B4GALNT3: variants seen among roughly 807,000 people sequenced by gnomAD.
B4GALNT3 encodes beta-1,4-N-acetylgalactosaminyltransferase 3.
Under a neutral mutation model 120.2 loss-of-function variants are expected in B4GALNT3, and 86 were observed. The observed-to-expected ratio is 0.72, with a 90% CI of 0.60 to 0.86. The LOEUF (loss-of-function observed/expected upper bound fraction) is 0.86, where lower values mean the gene tolerates loss of function less well. B4GALNT3 is among the 40% of genes least tolerant of loss of function. The probability of loss-of-function intolerance (pLI) is 0.00; values close to 1 mark genes in which losing one functional copy is unlikely to be tolerated. For missense variants in B4GALNT3, 1,167 were observed against 1,298.9 expected, an observed-to-expected ratio of 0.90 and a Z score of 1.56; for synonymous variants, 518 against 510.4, an observed-to-expected ratio of 1.01 and a Z score of -0.20.
chr12:484,837 T>C (rs1946275523), intron 1 of B4GALNT3, among the ~76,000 whole-genome samples: 1 of 150,460 alleles, frequency 6.6e-6, no homozygotes, highest in African/African-American at 2.4e-5. Flanking sequence ...GTTTGGAGGA[T>C]GCTAAATTCC....
chr12:477,069 G>C (rs1371416650), intron 1 of B4GALNT3, among the ~76,000 whole-genome samples: 1 of 152,152 alleles, frequency 6.6e-6, no homozygotes, highest in East Asian at 1.9e-4. Flanking sequence ...GTGAAGAATT[G>C]AAAGCCTGGA....
chr12:512,586 C>T (rs1477863391), intron 1 of B4GALNT3, among the ~76,000 whole-genome samples: 1 of 126,982 alleles, frequency 7.9e-6, no homozygotes, highest in African/African-American at 3.1e-5. Flanking sequence ...CCTTCTTCCA[C>T]CTTCGAGCTT....
rs1193488076 is a variant in B4GALNT3, at chr12:561,508, A to G, written c.*57A>G. ...CGCTCTGGACTAGCAGTGGCTCCCC[A>G]GGGCCCTGCTACTGTTCAGGGATGG... is the stretch of plus-strand genomic sequence containing the variant. On this transcript the variant is annotated 3_prime_UTR_variant, in exon 20 of 20. Coordinates refer to ENST00000266383, the MANE Select transcript of B4GALNT3 (RefSeq NM_173593.4). 3.7e-6 allele frequency: 5 copies of G among 1,365,138 alleles called. No individual in the cohort carries two copies. Among genetic ancestry groups the G allele is most frequent in the Non-Finnish European group, 4.1e-6 (4 of 977,262 alleles). The allele number at this position is 1,365,138 out of a possible 1,614,324, so 84.6% of individuals were successfully genotyped here.
intron 1 of B4GALNT3, among the ~76,000 whole-genome samples, chr12:500,033 T>C (rs749988691): frequency 2.6e-5 from 4 of 152,224 alleles, no homozygotes; most frequent in Admixed American, 6.5e-5. Context: ...CTCTTGTTGC[T>C]CTCTTGTTCG....
Position 553,999 on chromosome 12 carries a change from C to T in B4GALNT3, c.2060+16C>T, listed in dbSNP as rs768947382. 2.5e-6 allele frequency: 4 copies of T among 1,578,678 alleles called. No homozygotes were observed. The highest frequency in any genetic ancestry group is 1.8e-4 in the Middle Eastern group (1 of 5,712). Reference sequence around the variant, plus strand: ...GGAGCCGGGGGTAAGGTAAAGGGCTCTCCTGGGGCCAGGGACTGGGGCACG... The same window carrying T: ...GGAGCCGGGGGTAAGGTAAAGGGCTTTCCTGGGGCCAGGGACTGGGGCACG... On this transcript the variant is annotated intron_variant, in intron 14 of 19. Coordinates refer to ENST00000266383, the MANE Select transcript of B4GALNT3 (RefSeq NM_173593.4).
At chr12:466,297 A>G (rs945420897) in intron 1 of B4GALNT3, among the ~76,000 whole-genome samples, 1 of 152,132 alleles carries the variant, frequency 6.6e-6, no homozygotes, top group Non-Finnish European at 1.5e-5. Flanking sequence ...AGCTTTGTGG[A>G]GCAGAGCAGA....
intron 1 of B4GALNT3, among the ~76,000 whole-genome samples, chr12:528,937 C>G (rs866802935): frequency 6.6e-6 from 1 of 152,204 alleles, no homozygotes; most frequent in Middle Eastern, 3.2e-3. Flanking sequence ...TTTTCTCATT[C>G]CAGTTTGAGT....
Position 558,612 on chromosome 12 carries a change from C to T in B4GALNT3, c.2712C>T (p.Ala904=). 2.5e-6 allele frequency: 4 copies of T among 1,614,036 alleles called. No homozygotes were observed. The highest frequency in any genetic ancestry group is 3.4e-6 in the Non-Finnish European group (4 of 1,179,978). The change falls in exon 18 of 20, where the codon GCC becomes GCT. Residue 904 remains alanine (A), a synonymous_variant. Transcript: ENST00000266383. ...KHCVEGKMAF[A]PMVMRLHCGA... is the part of the protein sequence containing the mutation. ...GTGTGGAGGGAAAGATGGCCTTTGCCCCCATGGTGATGAGGCTGCATTGTG... is the reference window on the plus strand; with the variant it reads ...GTGTGGAGGGAAAGATGGCCTTTGCTCCCATGGTGATGAGGCTGCATTGTG...
At chr12:535,339 G>A in intron 2 of B4GALNT3, 70 bp downstream of exon 2, 2 of 1,335,414 alleles carry the variant, frequency 1.5e-6, no homozygotes, top group Non-Finnish European at 2.1e-6. Context: ...CTGCCCAGTT[G>A]CCTTAAGGGT....
In B4GALNT3 at chr12:512,154, TTCCGCCTTCCACCTTCC is replaced by T. The variant is rs1350756047; in HGVS notation, c.170-23011_170-22995del. Among the ~76,000 whole-genome samples, 29 of 81,940 alleles carry T rather than the reference TTCCGCCTTCCACCTTCC, an allele frequency of 3.5e-4. 1 individual carries two copies. Among genetic ancestry groups the T allele is most frequent in the African/African-American group, 1.7e-3 (25 of 15,124 alleles). The allele number at this position is 81,940 out of a possible 152,430, so 53.8% of individuals were successfully genotyped here. ...CACCTTCCACCTTCCACCTTCCGCC[TTCCGCCTTCCACCTTCC>T]GCCTTCCGCCTTCCACCTTCCGCCT... On this transcript the variant is annotated intron_variant, in intron 1 of 19. Transcript: ENST00000266383.
intron 1 of B4GALNT3, among the ~76,000 whole-genome samples, chr12:463,552 C>T (rs1028439066): frequency 1.4e-4 from 22 of 152,102 alleles, no homozygotes; most frequent in Admixed American, 1.4e-3. Flanking sequence ...TCTACAGCTT[C>T]ATTTAGGAGG....
At chr12:520,817 G>C (rs980559056) in intron 1 of B4GALNT3, among the ~76,000 whole-genome samples, 2 of 152,222 alleles carry the variant, frequency 1.3e-5, no homozygotes, top group East Asian at 1.9e-4. Context: ...ATATGAATTG[G>C]AGTGTTGCTT....
Position 556,674 on chromosome 12 carries a change from T to G in B4GALNT3, c.2188T>G (p.Ser730Ala). The change falls in exon 15 of 20, where the codon TCT (serine) becomes GCT (alanine). Residue 730 changes from serine (S) to alanine (A), a missense_variant. Around this residue, in one of 3 missense-constraint regions of B4GALNT3, gnomAD observed 983 missense variants for 1,102.5 expected, o/e 0.89. Coordinates refer to ENST00000266383, the MANE Select transcript of B4GALNT3 (RefSeq NM_173593.4). ...QRVVRLSEYV[S>A]ARGWQGIDPA... is the part of the protein sequence containing the mutation. ...CGTGGTGCGGCTCTCGGAGTATGTGTCTGCACGAGGCTGGCAGGGCATCGA... is the reference window on the plus strand; with the variant it reads ...CGTGGTGCGGCTCTCGGAGTATGTGGCTGCACGAGGCTGGCAGGGCATCGA... 1 of 1,613,968 alleles carries G rather than the reference T, an allele frequency of 6.2e-7. No homozygotes were observed. Among genetic ancestry groups the G allele is most frequent in the Non-Finnish European group, 8.5e-7 (1 of 1,180,024 alleles).
At position 561,427 on chromosome 12, in the gene B4GALNT3, C is replaced by G; in HGVS notation, c.2973C>G (p.Ser991Arg). ...HHFHSKRGMW[S>R]RRQMKTL ...TCCATTCCAAGCGAGGCATGTGGAG[C>G]CGTCGCCAGATGAAGACGCTGTAGC... Residue 991 changes from serine to arginine, a missense_variant, in exon 20 of 20, where the codon AGC (serine) becomes AGG (arginine). Ser to Arg is a moderately radical substitution (Grantham distance 110). Around this residue, in one of 3 missense-constraint regions of B4GALNT3, gnomAD observed 983 missense variants for 1,102.5 expected, o/e 0.89. Transcript: ENST00000266383. 1 of 1,613,456 alleles carries G rather than the reference C, an allele frequency of 6.2e-7. No individual in the cohort carries two copies. Among genetic ancestry groups the G allele is most frequent in the South Asian group, 1.1e-5 (1 of 91,066 alleles).
intron 1 of B4GALNT3, among the ~76,000 whole-genome samples, chr12:510,500 A>G (rs1032365961): frequency 4.4e-5 from 5 of 114,292 alleles, no homozygotes; most frequent in Non-Finnish European, 8.6e-5. Context: ...TGGGAGGGAA[A>G]CGGGCCCTTT....
rs1283685453 is a variant in B4GALNT3, at chr12:474,592, G to A, written c.169+14047G>A. Among the ~76,000 whole-genome samples the A allele has an allele frequency of 2.0e-5, 3 of 152,174 alleles. No homozygotes were observed. The South Asian group carries it at 6.2e-4, about 32-fold the overall frequency. On this transcript the variant is annotated intron_variant, in intron 1 of 19. Coordinates refer to ENST00000266383, the MANE Select transcript of B4GALNT3 (RefSeq NM_173593.4). ...CCAGCACTTTGGGAGACTAAGGTAG[G>A]AGGATGGCTTGAGCCCAGGAGTTTG...
chr12:560,608 T>C (rs1347282441), intron 19 of B4GALNT3, among the ~76,000 whole-genome samples: 5 of 152,194 alleles, frequency 3.3e-5, no homozygotes, highest in Admixed American at 3.3e-4. Flanking sequence ...GGAACGTAGA[T>C]AACTGGGAGC....
At chr12:521,101 T>C (rs1269771178) in intron 1 of B4GALNT3, among the ~76,000 whole-genome samples, 2 of 152,184 alleles carry the variant, frequency 1.3e-5, no homozygotes, top group African/African-American at 4.8e-5. Flanking sequence ...CAGTCAGTTA[T>C]TCAGAGTTAA....
intron 13 of B4GALNT3, 110 bp from the exon 14 acceptor site, chr12:553,084 A>T: frequency 6.8e-7 from 1 of 1,474,914 alleles, no homozygotes; most frequent in South Asian, 1.3e-5. Flanking sequence ...ATTCAACCCC[A>T]GTCTGGAGCC....
Sources: gnomAD v4.1 joint callset for allele counts (sites outside exome capture counted in the v4.1 genomes callset) on GRCh38, gnomAD v4.1.1 for gene constraint, gnomAD v4.1.1 regional missense constraint, MANE v1.5 for transcripts, NCBI Gene and HGNC (gene_info 2026-07-23, HGNC 2026-07-21) for gene names.